Variants in PAX3 observed in about 807,000 individuals in gnomAD.
PAX3 encodes paired box protein Pax-3.
Under a neutral mutation model 51.6 loss-of-function variants are expected in PAX3, and 14 were observed. That is an observed-to-expected ratio of 0.27 (90% CI 0.18 to 0.42). PAX3 has a LOEUF of 0.42. Ranked by LOEUF, PAX3 falls within the 10% of genes least tolerant of loss-of-function variation. The pLI is 1.00. For synonymous variants in PAX3, 280 were observed against 253.4 expected (o/e 1.11, Z -1.00); for missense variants, 540 against 642.8 (o/e 0.84, Z 1.73).
intron 4 of PAX3, among the ~76,000 whole-genome samples, chr2:222,277,747 A>G (rs1694475093): frequency 6.6e-6 from 1 of 152,082 alleles, no homozygotes; most frequent in South Asian, 2.1e-4. Flanking sequence ...CAGCCTGGCC[A>G]ACATGGTGAA....
intron 4 of PAX3, among the ~76,000 whole-genome samples, chr2:222,267,629 A>AT (rs1694099244): frequency 6.6e-6 from 1 of 151,994 alleles, no homozygotes; most frequent in African/African-American, 2.4e-5. Flanking sequence ...ATTTTGTGGT[A>AT]TTTTTTCCCA....
At chr2:222,241,898 C>G (rs1328817419) in intron 4 of PAX3, among the ~76,000 whole-genome samples, 1 of 152,132 alleles carries the variant, frequency 6.6e-6, no homozygotes, top group Non-Finnish European at 1.5e-5. Flanking sequence ...ATCATGTTCC[C>G]TGTAGTAATG....
At chr2:222,203,494 G>A (rs1015150275) in intron 7 of PAX3, among the ~76,000 whole-genome samples, 2 of 152,108 alleles carry the variant, frequency 1.3e-5, no homozygotes, top group African/African-American at 4.8e-5. Context: ...AGATTAAAGT[G>A]TGCAAATAAG....
chr2:222,232,105 C>T lies in PAX3; in HGVS notation c.765G>A (p.Arg255=), dbSNP rs374214086. The T allele has an allele frequency of 5.6e-6, 9 of 1,613,958 alleles. No homozygotes were observed. The highest frequency in any genetic ancestry group is 7.6e-6 in the Non-Finnish European group (9 of 1,179,950). ...DIYTREELAQ[R]AKLTEARVQV... Reference sequence around the variant, plus strand: ...GTACTCGGGCCTCGGTGAGCTTCGCCCTCTGGGCCAGTTCCTCCCTAGTAT... The same window carrying T: ...GTACTCGGGCCTCGGTGAGCTTCGCTCTCTGGGCCAGTTCCTCCCTAGTAT... The change falls in exon 5 of 9, where the codon AGG becomes AGA. Residue 255 remains arginine (R), a synonymous_variant. Coordinates refer to ENST00000392070, the MANE Select transcript of PAX3 (RefSeq NM_181458.4).
At chr2:222,258,225 A>T (rs886787421) in intron 4 of PAX3, among the ~76,000 whole-genome samples, 3 of 152,234 alleles carry the variant, frequency 2.0e-5, no homozygotes, top group Non-Finnish European at 2.9e-5. Flanking sequence ...GTCTGCGTAA[A>T]GGAAGCAGTC....
intron 4 of PAX3, among the ~76,000 whole-genome samples, chr2:222,274,247 A>C (rs1402307374): frequency 2.6e-5 from 4 of 152,152 alleles, no homozygotes; most frequent in Non-Finnish European, 5.9e-5. Context: ...TAATTTTGAC[A>C]AACTATATAT....
chr2:222,240,053 AAAT>A (rs1692950793), intron 4 of PAX3, among the ~76,000 whole-genome samples: 1 of 152,018 alleles, frequency 6.6e-6, no homozygotes, highest in African/African-American at 2.4e-5. Flanking sequence ...ATTAGAAGGA[AAAT>A]AAGCTCCTGC....
intron 4 of PAX3, among the ~76,000 whole-genome samples, chr2:222,255,917 ATTTT>A (rs57757180): frequency 3.4e-4 from 33 of 98,334 alleles, no homozygotes; most frequent in Admixed American, 1.6e-3. Flanking sequence ...CGCCCAGCTA[ATTTT>A]TTTTTTTTTT....
At chr2:222,262,151 C>A (rs565194251) in intron 4 of PAX3, among the ~76,000 whole-genome samples, 3 of 152,300 alleles carry the variant, frequency 2.0e-5, no homozygotes, top group African/African-American at 7.2e-5. Flanking sequence ...TAAGATTTAT[C>A]CATGTTGTTG....
At chr2:222,291,969 GGTGTGTGT>G (rs3997675) in intron 4 of PAX3, among the ~76,000 whole-genome samples, 5,320 of 133,652 alleles carry the variant, frequency 0.04, 167 homozygotes, top group African/African-American at 0.1. Flanking sequence ...CAGCCTCCAA[GGTGTGTGT>G]GTGTGTGTGT....
chr2:222,200,718 C>A lies in PAX3; in HGVS notation c.*690G>T. On this transcript the variant is annotated 3_prime_UTR_variant, in exon 9 of 9. Transcript: ENST00000392070. The stretch of plus-strand genomic sequence containing the variant: ...AGGAAAGGGAAACAAGTCCTTCTTC[C>A]TGGTAGCCCATATCCTGTTAGCAAG... 1 of 253,108 alleles carries A rather than the reference C, an allele frequency of 4.0e-6. No homozygotes were observed. 15.7% of individuals were successfully genotyped at this position (253,108 alleles called of 1,614,324 possible). A position where few individuals can be genotyped will look rare whatever the true frequency, so the allele number is the denominator to read the frequency against.
intron 4 of PAX3, chr2:222,242,285 C>T (rs531475826): frequency 6.6e-6 from 1 of 152,124 alleles, no homozygotes; most frequent in Admixed American, 6.5e-5. Flanking sequence ...ACAGATCTCT[C>T]AAAGCCCTTC....
intron 3 of PAX3, among the ~76,000 whole-genome samples, chr2:222,294,789 CT>C (rs1296886032): frequency 4.6e-5 from 5 of 109,592 alleles, no homozygotes; most frequent in South Asian, 3.7e-4. Flanking sequence ...AATCAAGTTT[CT>C]TTTTTTTCCT....
rs1042725930 is a variant in PAX3, at chr2:222,298,676, C to A, written c.-61G>T. 1 of 1,465,484 alleles carries A rather than the reference C, an allele frequency of 6.8e-7. No homozygotes were observed. Among genetic ancestry groups the A allele is most frequent in the Non-Finnish European group, 9.4e-7 (1 of 1,068,390 alleles). 90.8% of individuals were successfully genotyped at this position (1,465,484 alleles called of 1,614,324 possible). On this transcript the variant is annotated 5_prime_UTR_variant, in exon 1 of 9. Transcript: ENST00000392070. ...TGAAGGCGAAACGGAAAGGCGAGTG[C>A]GGCGCGGATGACCCTCGGGAACTAT...
At chr2:222,239,024 C>T (rs1175056730) in intron 4 of PAX3, among the ~76,000 whole-genome samples, 4 of 152,182 alleles carry the variant, frequency 2.6e-5, no homozygotes, top group African/African-American at 7.2e-5. Context: ...TGACCTCTCT[C>T]GTGTTTACTC....
intron 5 of PAX3, 130 bp downstream of exon 5, chr2:222,231,948 A>G (rs771734120): frequency 2.6e-5 from 21 of 801,788 alleles, no homozygotes; most frequent in Non-Finnish European, 4.1e-5. Flanking sequence ...AGTCCTAACA[A>G]TATGCATCCC....
rs28945095 is a variant in PAX3 at position 222,293,733 on chromosome 2, G to A, written c.586+434C>T. On this transcript the variant is annotated intron_variant, in intron 4 of 8. Transcript: ENST00000392070. ...CTCTCTCTCTCTCCTTTAATGCGAGGAAACTCCGGAGACCAGGGCCTTTCC... is the reference window on the plus strand; with the variant it reads ...CTCTCTCTCTCTCCTTTAATGCGAGAAAACTCCGGAGACCAGGGCCTTTCC... The A allele has an allele frequency of 4.1e-4, 655 of 1,614,022 alleles. 1 individual carries two copies. The highest frequency in any genetic ancestry group is 5.1e-4 in the Non-Finnish European group (602 of 1,180,046).
intron 7 of PAX3, chr2:222,214,494 T>C (rs1338968988): frequency 6.6e-6 from 1 of 152,182 alleles, no homozygotes; most frequent in Non-Finnish European, 1.5e-5. Context: ...AAAAAGTCGA[T>C]CCTGGCATTT....
At chr2:222,203,668 T>C (rs924232404) in intron 7 of PAX3, among the ~76,000 whole-genome samples, 2 of 152,110 alleles carry the variant, frequency 1.3e-5, no homozygotes, top group Non-Finnish European at 2.9e-5. Flanking sequence ...CTAGTTTTGC[T>C]TCCCAGAAAG....
Sources: allele counts gnomAD v4.1 joint callset (sites outside exome capture counted in the v4.1 genomes callset), GRCh38; gene constraint gnomAD v4.1.1; transcripts MANE v1.5; gene names NCBI Gene and HGNC (gene_info 2026-07-23, HGNC 2026-07-21).